The following SHANK2 variants were observed in gnomAD, a reference collection of about 807,000 sequenced individuals.
The protein encoded by SHANK2 is SH3 and multiple ankyrin repeat domains protein 2.
SHANK2 carries 43 observed loss-of-function variants against 133.7 expected under a neutral mutation model. That is an observed-to-expected ratio of 0.32 (90% CI 0.25 to 0.41). The LOEUF is 0.41. SHANK2 is among the 10% of genes least tolerant of loss of function. The pLI, the probability that SHANK2 is intolerant of heterozygous loss-of-function variation, is 1.00. For synonymous variants in SHANK2, 1,017 were observed against 952.8 expected (o/e 1.07, Z -1.24); for missense variants, 1,994 against 2,235.8 (o/e 0.89, Z 2.18).
chr11:70,860,535 C>T lies in SHANK2; in HGVS notation c.1174+35966G>A, dbSNP rs560261264. On this transcript the variant is annotated intron_variant, in intron 11 of 25. Transcript: ENST00000601538. ...TCCCGATGTGTGCAGTGGGAGACTG[C>T]GAGGTCCCCAGGGACTGGGACTCAG... Among the ~76,000 whole-genome samples the T allele has an allele frequency of 9.2e-5, 14 of 152,312 alleles. No homozygotes were observed. The South Asian group carries it at 1.2e-3, about 14-fold the overall frequency.
chr11:70,518,301 G>A (rs1554970433), intron 17 of SHANK2, among the ~76,000 whole-genome samples: 1 of 152,210 alleles, frequency 6.6e-6, no homozygotes, highest in African/African-American at 2.4e-5. Flanking sequence ...TGGGAGATTA[G>A]CTGCAGTTAG....
intron 17 of SHANK2, among the ~76,000 whole-genome samples, chr11:70,647,007 G>A (rs1591700613): frequency 6.6e-6 from 1 of 152,040 alleles, no homozygotes; most frequent in South Asian, 2.1e-4. Context: ...TACTACAGGT[G>A]TCCGCCACCA....
intron 11 of SHANK2, among the ~76,000 whole-genome samples, chr11:70,861,236 A>G (rs1949254043): frequency 6.6e-6 from 1 of 152,226 alleles, no homozygotes; most frequent in Non-Finnish European, 1.5e-5. Context: ...TTTCCATGTG[A>G]AAATAAATGA....
At chr11:70,769,586 T>C (rs1474542460) in intron 14 of SHANK2, among the ~76,000 whole-genome samples, 1 of 152,172 alleles carries the variant, frequency 6.6e-6, no homozygotes, top group Non-Finnish European at 1.5e-5. Flanking sequence ...CTGAGCCTTC[T>C]GCGAGAGCAC....
intron 17 of SHANK2, among the ~76,000 whole-genome samples, chr11:70,507,288 C>T (rs944787911): frequency 2.0e-5 from 3 of 152,140 alleles, no homozygotes; most frequent in Non-Finnish European, 4.4e-5. Context: ...ATGCCATCTG[C>T]GTTTAGAATT....
At chr11:71,162,526 T>C (rs1306687474) in intron 2 of SHANK2, among the ~76,000 whole-genome samples, 3 of 152,200 alleles carry the variant, frequency 2.0e-5, no homozygotes, top group Admixed American at 6.5e-5. Flanking sequence ...AAGTAAATGA[T>C]TGTATAGTAA....
At chr11:70,672,434 C>A (rs961415644) in intron 15 of SHANK2, among the ~76,000 whole-genome samples, 1 of 152,232 alleles carries the variant, frequency 6.6e-6, no homozygotes, top group Non-Finnish European at 1.5e-5. Flanking sequence ...CTGATTCATG[C>A]CCCTTCTCCT....
At chr11:71,154,746 T>C (rs1278653402) in intron 2 of SHANK2, among the ~76,000 whole-genome samples, 1 of 73,850 alleles carries the variant, frequency 1.4e-5, no homozygotes, top group East Asian at 3.3e-4. Flanking sequence ...AGAGGAGGGA[T>C]GGACCTACCC....
chr11:70,835,950 A>C (rs1555059929), intron 11 of SHANK2, among the ~76,000 whole-genome samples: 3 of 152,010 alleles, frequency 2.0e-5, no homozygotes, highest in Non-Finnish European at 2.9e-5. Flanking sequence ...CCCCGAGCCC[A>C]CTGCACCCCG....
chr11:70,681,618 G>T (rs1340633675), intron 15 of SHANK2, among the ~76,000 whole-genome samples: 1 of 152,120 alleles, frequency 6.6e-6, no homozygotes, highest in Non-Finnish European at 1.5e-5. Flanking sequence ...CAGGGGAGAG[G>T]CCAGCTCATT....
intron 9 of SHANK2, among the ~76,000 whole-genome samples, chr11:71,065,515 G>GGA (rs2135947115): frequency 1.4e-5 from 2 of 140,518 alleles, no homozygotes; most frequent in Non-Finnish European, 3.1e-5. Flanking sequence ...AAGTTGGGGT[G>GGA]TATGTGCAGA....
intron 17 of SHANK2, among the ~76,000 whole-genome samples, chr11:70,574,005 G>A (rs530284306): frequency 1.3e-5 from 2 of 152,134 alleles, no homozygotes; most frequent in South Asian, 2.1e-4. Flanking sequence ...CCCCCAGCCC[G>A]GGTCCTTCTC....
At chr11:71,065,708 T>C (rs1280416644) in intron 9 of SHANK2, among the ~76,000 whole-genome samples, 1 of 91,352 alleles carries the variant, frequency 1.1e-5, no homozygotes, top group Non-Finnish European at 2.1e-5. Flanking sequence ...AGATGAACAG[T>C]GAGTGGGGAA....
chr11:71,110,676 C>T (rs1348815003), intron 5 of SHANK2, among the ~76,000 whole-genome samples: 1 of 152,190 alleles, frequency 6.6e-6, no homozygotes, highest in East Asian at 1.9e-4. Context: ...CGCCAGGGTG[C>T]ACCACAAGCC....
intron 14 of SHANK2, among the ~76,000 whole-genome samples, chr11:70,700,764 G>A (rs536422918): frequency 2.0e-5 from 3 of 152,224 alleles, no homozygotes; most frequent in South Asian, 2.1e-4. Flanking sequence ...TCAGGATCCC[G>A]GGGATGGGGC....
intron 2 of SHANK2, among the ~76,000 whole-genome samples, chr11:71,217,323 T>A (rs1037163530): frequency 6.6e-6 from 1 of 151,778 alleles, no homozygotes; most frequent in African/African-American, 2.4e-5. Context: ...CTGGCCAACA[T>A]GGAGAAACCC....
At chr11:70,642,533 A>C (rs1267490878) in intron 17 of SHANK2, among the ~76,000 whole-genome samples, 5 of 152,300 alleles carry the variant, frequency 3.3e-5, no homozygotes, top group Middle Eastern at 3.4e-3. Flanking sequence ...CAGCCTGTCT[A>C]ATCGCAGTTG....
At chr11:70,689,789 G>A (rs782575169) in intron 15 of SHANK2, among the ~76,000 whole-genome samples, 2 of 152,060 alleles carry the variant, frequency 1.3e-5, no homozygotes, top group Admixed American at 6.6e-5. Context: ...TACATGAAGC[G>A]AAATCCGAGA....
intron 6 of SHANK2, among the ~76,000 whole-genome samples, chr11:71,109,113 G>A (rs569896069): frequency 6.6e-6 from 1 of 152,312 alleles, no homozygotes; most frequent in South Asian, 2.1e-4. Flanking sequence ...CTCAAGACAA[G>A]AGGGGAGGGA....
Sources: gnomAD v4.1 joint callset for allele counts (sites outside exome capture counted in the v4.1 genomes callset) on GRCh38, gnomAD v4.1.1 for gene constraint, MANE v1.5 for transcripts, NCBI Gene and HGNC (gene_info 2026-07-23, HGNC 2026-07-21) for gene names.